The following PTPRZ1 variants were observed in gnomAD, a reference collection of about 807,000 sequenced individuals.
PTPRZ1 encodes protein tyrosine phosphatase receptor type Z1.
Under a neutral mutation model 214.1 loss-of-function variants are expected in PTPRZ1, and 82 were observed. The observed-to-expected ratio is 0.38, with a 90% confidence interval of 0.32 to 0.46. The LOEUF is 0.46. PTPRZ1 is among the 20% of genes least tolerant of loss of function. The pLI is 1.00. For missense variants in PTPRZ1, 2,603 were observed against 2,748.7 expected (o/e 0.95, Z 1.19); for synonymous variants, 945 against 987.9 (o/e 0.96, Z 0.81).
intron 2 of PTPRZ1, among the ~76,000 whole-genome samples, chr7:121,936,438 A>T (rs1206514): frequency 0.69 from 104,347 of 152,094 alleles, 37,375 homozygotes; most frequent in African/African-American, 0.91. Context: ...ATATCAAACT[A>T]TTAAAGAATT....
chr7:122,049,003 G>A (rs1393925432), intron 23 of PTPRZ1, among the ~76,000 whole-genome samples: 1 of 152,038 alleles, frequency 6.6e-6, no homozygotes, highest in Admixed American at 6.6e-5. Context: ...TTAATATCAT[G>A]AGCAAGTAGA....
intron 13 of PTPRZ1, among the ~76,000 whole-genome samples, chr7:122,023,746 AT>A (rs1348679351): frequency 7.5e-6 from 1 of 133,504 alleles, no homozygotes; most frequent in South Asian, 2.1e-4. Context: ...TTTATATATA[AT>A]TATATATATA....
chr7:122,051,644 C>A, intron 24 of PTPRZ1, 123 bp downstream of exon 24: 1 of 892,562 alleles, frequency 1.1e-6, no homozygotes. Context: ...TTAATTTTGT[C>A]CAATATGTAA....
Position 121,996,477 on chromosome 7 carries a change from A to G in PTPRZ1, c.1024A>G (p.Met342Val), listed in dbSNP as rs1475822138. 4.3e-6 allele frequency: 7 copies of G among 1,612,510 alleles called. No homozygotes were observed. In the East Asian group the frequency reaches 6.7e-5, roughly 15 times the overall value. Residue 342 changes from methionine to valine, a missense_variant, in exon 9 of 30, where the codon ATG becomes GTG. Physicochemically the swap from Met to Val is conservative, Grantham distance 21. This residue lies in a region of PTPRZ1 where 244 missense variants were observed against 333.2 expected (regional missense o/e 0.73). Coordinates refer to ENST00000393386, the MANE Select transcript of PTPRZ1 (RefSeq NM_002851.3). Reference sequence around the variant, plus strand: ...AAGACCTCGAGTCGTTTATGATACCATGATTGAGAAGTTTGCAGTTTTGTA... The same window carrying G: ...AAGACCTCGAGTCGTTTATGATACCGTGATTGAGAAGTTTGCAGTTTTGTA... The part of the protein sequence containing the change: ...WERPRVVYDT[M>V]IEKFAVLYQQ...
At chr7:121,933,413 AG>A (rs1795982355) in intron 2 of PTPRZ1, among the ~76,000 whole-genome samples, 1 of 152,140 alleles carries the variant, frequency 6.6e-6, no homozygotes, top group African/African-American at 2.4e-5. Flanking sequence ...CAATCTTTAA[AG>A]CAGCTTGAAA....
Position 122,028,601 on chromosome 7 carries a change from A to G in PTPRZ1, c.5038A>G (p.Arg1680Gly). Reference sequence around the variant, plus strand: ...TTACTTAGAGGACAGTACATCCCCTAGAGTTATATCCACACCTCCAACACC... The same window carrying G: ...TTACTTAGAGGACAGTACATCCCCTGGAGTTATATCCACACCTCCAACACC... Reference protein sequence around the residue: ...HFYLEDSTSPRVISTPPTPIF... With the variant: ...HFYLEDSTSPGVISTPPTPIF... The change falls in exon 14 of 30, where the codon AGA becomes GGA. Residue 1680 changes from arginine to glycine, a missense_variant. This residue lies in a region of PTPRZ1 where 1,913 missense variants were observed against 1,914.3 expected (regional missense o/e 1.00). Transcript: ENST00000393386. The G allele has an allele frequency of 6.5e-7, 1 of 1,550,088 alleles. No individual in the cohort carries two copies. The highest frequency in any genetic ancestry group is 1.4e-5 in the African/African-American group (1 of 73,472).
chr7:122,041,332 A>G (rs909562403), intron 21 of PTPRZ1, among the ~76,000 whole-genome samples: 3 of 147,946 alleles, frequency 2.0e-5, no homozygotes, highest in East Asian at 1.9e-4. Context: ...TTGAGCTACA[A>G]CCCCTGTCCC....
chr7:121,935,544 TTTTG>T lies in PTPRZ1; in HGVS notation c.124+7355_124+7358del, dbSNP rs200251497. Among the ~76,000 whole-genome samples the T allele has an allele frequency of 7.7e-3, 1,013 of 131,182 alleles. 7 individuals carry two copies. Among genetic ancestry groups the T allele is most frequent in the Middle Eastern group, 0.012 (3 of 250 alleles). 86.1% of individuals were successfully genotyped at this position (131,182 alleles called of 152,430 possible). ...TTTTGTTTTTGTTTTTTGGGGTTTT[TTTTG>T]TTTGTTTGTTTGTTTGTTTGTTTGT... On this transcript the variant is annotated intron_variant, in intron 2 of 29. Transcript: ENST00000393386.
chr7:121,882,897 G>A (rs922539754), intron 1 of PTPRZ1, among the ~76,000 whole-genome samples: 7 of 152,146 alleles, frequency 4.6e-5, no homozygotes, highest in African/African-American at 1.7e-4. Context: ...TGGTATAATT[G>A]GTAGGACATT....
intron 26 of PTPRZ1, among the ~76,000 whole-genome samples, chr7:122,054,335 T>G (rs1206183352): frequency 6.6e-6 from 1 of 152,136 alleles, no homozygotes; most frequent in East Asian, 1.9e-4. Flanking sequence ...TCTATATGCT[T>G]CTATTTACAT....
At chr7:122,060,523 C>T (rs1792537067) in intron 29 of PTPRZ1, among the ~76,000 whole-genome samples, 1 of 152,162 alleles carries the variant, frequency 6.6e-6, no homozygotes, top group Admixed American at 6.5e-5. Context: ...TGTGCCACTG[C>T]TCTGAGACCA....
In PTPRZ1 at chr7:122,042,164, G is replaced by A. The variant is rs977173839; in HGVS notation, c.5802-444G>A. 5.3e-5 allele frequency among the ~76,000 whole-genome samples: 8 copies of A among 152,036 alleles called. No individual in the cohort carries two copies. The South Asian group carries it at 8.3e-4, about 16-fold the overall frequency. ...TTATCAAATTCTTTTTCCCATTAAC[G>A]CAGAAATCTTTACAAACATGTCTAC... On this transcript the variant is annotated intron_variant, in intron 21 of 29. Coordinates refer to ENST00000393386, the MANE Select transcript of PTPRZ1 (RefSeq NM_002851.3).
rs1792465716 is a variant in PTPRZ1, at chr7:122,058,825, A to G, written c.6554A>G (p.His2185Arg). The change falls in exon 28 of 30, where the codon CAC becomes CGC. Residue 2185 changes from histidine (H) to arginine (R), a missense_variant. Physicochemically the swap from His to Arg is conservative, Grantham distance 29 (BLOSUM62 0). Around this residue, in one of 6 missense-constraint regions of PTPRZ1, gnomAD observed 134 missense variants for 183.3 expected, o/e 0.73. Transcript: ENST00000393386. ...TQDDYVLEVR[H>R]FQCPKWPNPD... ...GATGATTATGTACTTGAAGTGAGGC[A>G]CTTTCAGTGTCCTAAATGGCCAAAT... 6.2e-7 allele frequency: 1 copy of G among 1,606,548 alleles called. No homozygotes were observed. Among genetic ancestry groups the G allele is most frequent in the Non-Finnish European group, 8.5e-7 (1 of 1,173,676 alleles).
At chr7:121,972,404 C>T (rs1374638750) in intron 3 of PTPRZ1, 137 bp from the exon 4 acceptor site, 12 of 903,440 alleles carry the variant, frequency 1.3e-5, no homozygotes, top group Non-Finnish European at 1.6e-5. Context: ...GTTTGGCTTC[C>T]AAAATGGCGA....
chr7:122,050,343 T>C (rs1792133600), intron 23 of PTPRZ1, among the ~76,000 whole-genome samples: 1 of 136,948 alleles, frequency 7.3e-6, no homozygotes, highest in Admixed American at 7.6e-5. Context: ...CTCGGGAGGC[T>C]GAGGCAGGAG....
At chr7:121,982,771 T>G (rs1797649056) in intron 6 of PTPRZ1, among the ~76,000 whole-genome samples, 1 of 152,144 alleles carries the variant, frequency 6.6e-6, no homozygotes, top group Admixed American at 6.5e-5. Flanking sequence ...GTAGATGATT[T>G]TCTTTCTTTC....
At chr7:122,032,702 A>C (rs1435670083) in intron 15 of PTPRZ1, among the ~76,000 whole-genome samples, 1 of 152,178 alleles carries the variant, frequency 6.6e-6, no homozygotes, top group African/African-American at 2.4e-5. Flanking sequence ...AGAAAGCTTT[A>C]AGAAATCAAA....
chr7:121,968,528 T>A (rs1299748818), intron 3 of PTPRZ1, among the ~76,000 whole-genome samples: 2 of 152,114 alleles, frequency 1.3e-5, no homozygotes, highest in Non-Finnish European at 2.9e-5. Context: ...CAATTGGCTA[T>A]AATTGAAATT....
intron 13 of PTPRZ1, among the ~76,000 whole-genome samples, chr7:122,026,286 C>T (rs369167115): frequency 2.0e-5 from 3 of 152,278 alleles, no homozygotes; most frequent in African/African-American, 7.2e-5. Context: ...TGTGATACTG[C>T]ACTAGCTTTT....
Sources: allele counts gnomAD v4.1 joint callset (sites outside exome capture counted in the v4.1 genomes callset), GRCh38; gene constraint gnomAD v4.1.1; regional missense constraint gnomAD v4.1.1; transcripts MANE v1.5; gene names NCBI Gene and HGNC (gene_info 2026-07-23, HGNC 2026-07-21).